The following GRIK2 variants were observed in gnomAD, a reference collection of about 807,000 sequenced individuals.
GRIK2 encodes the protein glutamate ionotropic receptor kainate type subunit 2.
Under a neutral mutation model 100.3 loss-of-function variants are expected in GRIK2, and 32 were observed. The ratio of observed to expected loss-of-function variants is 0.32; its 90% CI spans 0.24 to 0.43. The LOEUF (loss-of-function observed/expected upper bound fraction) is 0.43. GRIK2 is among the 20% of genes least tolerant of loss of function. GRIK2 has a pLI of 1.00. For synonymous variants in GRIK2, 417 were observed against 389.4 expected, an observed-to-expected ratio of 1.07 and a Z score of -0.83; for missense variants, 843 against 1,114.9, an observed-to-expected ratio of 0.76 and a Z score of 3.47.
At chr6:102,063,875 A>G in intron 16 of GRIK2, 1 of 643,960 alleles carries the variant, frequency 1.6e-6, no homozygotes, top group Non-Finnish European at 2.8e-6. Flanking sequence ...TTGACTAATT[A>G]AATATAATGA....
chr6:101,410,119 A>G (rs1401314180), intron 2 of GRIK2, among the ~76,000 whole-genome samples: 31 of 152,118 alleles, frequency 2.0e-4, no homozygotes, highest in Admixed American at 2.0e-3. Flanking sequence ...ACCAAAACTG[A>G]AAACAAATAA....
At chr6:102,055,999 G>C (rs550228042) in intron 16 of GRIK2, among the ~76,000 whole-genome samples, 1 of 151,898 alleles carries the variant, frequency 6.6e-6, no homozygotes, top group South Asian at 2.1e-4. Context: ...TGGGTTAACA[G>C]TTTCAAGTTA....
intron 2 of GRIK2, among the ~76,000 whole-genome samples, chr6:101,523,453 C>T (rs987354977): frequency 1.3e-5 from 2 of 152,108 alleles, no homozygotes; most frequent in East Asian, 1.9e-4. Context: ...AAGGGATACA[C>T]ACTGGGACTA....
At chr6:101,425,122 A>T (rs1776634878) in intron 2 of GRIK2, among the ~76,000 whole-genome samples, 1 of 152,188 alleles carries the variant, frequency 6.6e-6, no homozygotes. Flanking sequence ...GCCGCAGTAA[A>T]CATACATGTG....
At chr6:101,456,924 A>C (rs1054692325) in intron 2 of GRIK2, among the ~76,000 whole-genome samples, 3 of 152,134 alleles carry the variant, frequency 2.0e-5, no homozygotes, top group African/African-American at 7.2e-5. Context: ...GAGTACAGAT[A>C]ATTATTTCTG....
intron 2 of GRIK2, among the ~76,000 whole-genome samples, chr6:101,562,157 C>A (rs1490428789): frequency 6.6e-6 from 1 of 152,032 alleles, no homozygotes; most frequent in Non-Finnish European, 1.5e-5. Context: ...TCTCATGCCC[C>A]TTCCAAGTTA....
At chr6:101,394,045 A>G (rs1774905971) in intron 1 of GRIK2, among the ~76,000 whole-genome samples, 1 of 152,176 alleles carries the variant, frequency 6.6e-6, no homozygotes, top group African/African-American at 2.4e-5. Flanking sequence ...ATCTCAGCCA[A>G]TTCCCGTCAA....
intron 2 of GRIK2, among the ~76,000 whole-genome samples, chr6:101,609,275 C>T (rs1779570586): frequency 1.3e-5 from 2 of 151,672 alleles, no homozygotes; most frequent in African/African-American, 4.8e-5. Context: ...TATTTTCTTC[C>T]CACACCTGCT....
intron 12 of GRIK2, among the ~76,000 whole-genome samples, chr6:101,917,206 C>T (rs1789173832): frequency 6.6e-6 from 1 of 151,562 alleles, no homozygotes; most frequent in Non-Finnish European, 1.5e-5. Flanking sequence ...ACTCTCAGTC[C>T]ATCTAGATCC....
intron 12 of GRIK2, among the ~76,000 whole-genome samples, chr6:101,894,502 AG>A (rs1255370789): frequency 2.6e-5 from 4 of 151,684 alleles, no homozygotes; most frequent in African/African-American, 9.7e-5. Context: ...ACAGAGAATT[AG>A]GAAGAAATCT....
At chr6:101,926,321 G>T (rs1301770601) in intron 13 of GRIK2, among the ~76,000 whole-genome samples, 1 of 150,874 alleles carries the variant, frequency 6.6e-6, no homozygotes, top group Non-Finnish European at 1.5e-5. Flanking sequence ...TATTTTATAA[G>T]TAGTGTTGAG....
chr6:101,409,324 T>C (rs181182947), intron 2 of GRIK2, among the ~76,000 whole-genome samples: 1 of 152,184 alleles, frequency 6.6e-6, no homozygotes, highest in Admixed American at 6.6e-5. Context: ...CCTAGGTATA[T>C]AGTAGGCTAT....
intron 2 of GRIK2, among the ~76,000 whole-genome samples, chr6:101,615,079 C>T (rs1027080185): frequency 1.2e-4 from 18 of 151,696 alleles, no homozygotes; most frequent in Non-Finnish European, 2.2e-4. Flanking sequence ...CATTTGGTTT[C>T]CTATATCTAC....
intron 14 of GRIK2, among the ~76,000 whole-genome samples, chr6:101,978,160 T>C (rs1341122619): frequency 6.6e-6 from 1 of 151,926 alleles, no homozygotes; most frequent in Non-Finnish European, 1.5e-5. Flanking sequence ...ATGCAGAGTA[T>C]GGCTTGGATA....
At chr6:102,062,788 T>C (rs1361193991) in intron 16 of GRIK2, among the ~76,000 whole-genome samples, 5 of 150,640 alleles carry the variant, frequency 3.3e-5, no homozygotes, top group African/African-American at 4.8e-5. Flanking sequence ...AACAGTTATA[T>C]TCACAAGAAA....
intron 12 of GRIK2, among the ~76,000 whole-genome samples, chr6:101,906,136 T>G (rs1788203931): frequency 6.6e-6 from 1 of 151,720 alleles, no homozygotes; most frequent in Admixed American, 6.6e-5. Context: ...TCTACTTCTT[T>G]TGGAATACAT....
intron 2 of GRIK2, among the ~76,000 whole-genome samples, chr6:101,409,812 TTTA>T (rs1775796890): frequency 6.6e-6 from 1 of 151,988 alleles, no homozygotes; most frequent in South Asian, 2.1e-4. Flanking sequence ...AAAAAAATTG[TTTA>T]TTTACTGTGT....
intron 9 of GRIK2, among the ~76,000 whole-genome samples, chr6:101,806,626 G>GGTTTT (rs111581345): frequency 7.1e-6 from 1 of 141,642 alleles, no homozygotes; most frequent in African/African-American, 2.6e-5. Context: ...CCTACAGAGG[G>GGTTTT]TTTTTTTTTT....
At chr6:101,960,732 A>G (rs1390456835) in intron 14 of GRIK2, among the ~76,000 whole-genome samples, 3 of 152,160 alleles carry the variant, frequency 2.0e-5, no homozygotes, top group Non-Finnish European at 4.4e-5. Flanking sequence ...AGGTTATGGA[A>G]GTCTCAGGAA....
Sources: gnomAD v4.1 joint callset for allele counts (sites outside exome capture counted in the v4.1 genomes callset) on GRCh38, gnomAD v4.1.1 for gene constraint, MANE v1.5 for transcripts, NCBI Gene and HGNC (gene_info 2026-07-23, HGNC 2026-07-21) for gene names.